The following VCAM1 variants were observed in gnomAD, a reference collection of about 807,000 sequenced individuals.
The protein encoded by VCAM1 is vascular cell adhesion protein 1.
VCAM1 carries 41 observed loss-of-function variants against 63.8 expected under a neutral mutation model. That is an observed-to-expected ratio of 0.64 (90% CI 0.50 to 0.83). The LOEUF is 0.83. Among genes scored for constraint, VCAM1 ranks in the 40% least tolerant of loss-of-function variants. The pLI is 0.00. For missense variants in VCAM1, 798 were observed against 875.5 expected, an observed-to-expected ratio of 0.91 and a Z score of 1.12; for synonymous variants, 338 against 320.7, an observed-to-expected ratio of 1.05 and a Z score of -0.58.
intron 3 of VCAM1, among the ~76,000 whole-genome samples, chr1:100,723,898 G>A (rs897001859): frequency 6.6e-6 from 1 of 152,002 alleles, no homozygotes; most frequent in African/African-American, 2.4e-5. Flanking sequence ...GCGTTGTGTA[G>A]GAGTGGCCTC....
In VCAM1 at chr1:100,723,356, A is replaced by G. The variant is rs201004025; in HGVS notation, c.661+16A>G. ...CAAGTCTACAGTAAGTACTTGTGCG[A>G]TGTGTTCCAGTCTTTGTGGGAATCC... is the stretch of plus-strand genomic sequence containing the variant. On this transcript the variant is annotated intron_variant, in intron 3 of 8. Transcript: ENST00000294728. The G allele has an allele frequency of 3.8e-3, 6,143 of 1,607,202 alleles. 14 individuals carry two copies. Among genetic ancestry groups the G allele is most frequent in the Non-Finnish European group, 4.7e-3 (5,532 of 1,175,566 alleles).
In VCAM1 at chr1:100,739,008, T is replaced by A. The variant is rs1660758726; in HGVS notation, c.*725T>A. 6.6e-6 allele frequency: 1 copy of A among 152,218 alleles called. No individual in the cohort carries two copies. Among genetic ancestry groups the A allele is most frequent in the Non-Finnish European group, 1.5e-5 (1 of 68,026 alleles). 9.4% of individuals were successfully genotyped at this position (152,218 alleles called of 1,614,324 possible). ...TATTTTCTTTTGTAAATGTTTAGGT[T>A]TTTTTGTATAGTAAAGTGATAATTT... On this transcript the variant is annotated 3_prime_UTR_variant, in exon 9 of 9. Coordinates refer to ENST00000294728, the MANE Select transcript of VCAM1 (RefSeq NM_001078.4).
At chr1:100,732,161 C>T (rs1660485009) in intron 6 of VCAM1, among the ~76,000 whole-genome samples, 1 of 152,122 alleles carries the variant, frequency 6.6e-6, no homozygotes, top group Non-Finnish European at 1.5e-5. Flanking sequence ...CTATCATTGA[C>T]CCTCGTCATT....
At chr1:100,725,008 G>T (rs1204795591) in intron 4 of VCAM1, 118 bp downstream of exon 4, 21 of 1,306,182 alleles carry the variant, frequency 1.6e-5, no homozygotes, top group Non-Finnish European at 1.0e-6. Flanking sequence ...CTATCTGATT[G>T]CCATATCCTT....
intron 2 of VCAM1, 78 bp downstream of exon 2, chr1:100,720,829 A>C (rs1659931306): frequency 6.8e-7 from 1 of 1,477,660 alleles, no homozygotes; most frequent in African/African-American, 1.4e-5. Flanking sequence ...TTTTAAAAAA[A>C]GTTTTAAAAT....
At position 100,731,353 on chromosome 1, in the gene VCAM1, G is replaced by A; in HGVS notation, c.1360G>A (p.Glu454Lys). Residue 454 changes from glutamate to lysine, a missense_variant, in exon 6 of 9, where the codon GAG becomes AAG. Transcript: ENST00000294728. The surrounding 1 kb of genome is among the most constrained non-coding windows in gnomAD (Gnocchi z 4.2). ...ETILENIEFL[E>K]DTDMKSLENK... ...TATTCTGGAGAATATAGAGTTTTTG[G>A]AGGATACGGATATGAAATCTCTAGA... 1.2e-6 allele frequency: 2 copies of A among 1,613,782 alleles called. No homozygotes were observed. Among genetic ancestry groups the A allele is most frequent in the Non-Finnish European group, 1.7e-6 (2 of 1,179,836 alleles).
At chr1:100,720,454 C>T (rs1659919368) in intron 1 of VCAM1, 22 bp from the exon 2 acceptor site, 2 of 1,598,712 alleles carry the variant, frequency 1.3e-6, no homozygotes, top group East Asian at 2.2e-5. Flanking sequence ...AAATTTGCTT[C>T]TGTCTTTTTT....
chr1:100,734,875 T>C, intron 8 of VCAM1, 107 bp downstream of exon 8: 1 of 1,361,996 alleles, frequency 7.3e-7, no homozygotes, highest in Middle Eastern at 2.4e-4. Context: ...GGAGCTGTGG[T>C]TTATTTCTTA....
At chr1:100,725,046 G>C (rs1385555314) in intron 4 of VCAM1, among the ~76,000 whole-genome samples, 156 bp downstream of exon 4, 1 of 151,814 alleles carries the variant, frequency 6.6e-6, no homozygotes, top group Non-Finnish European at 1.5e-5. Flanking sequence ...TATCTTACTA[G>C]TACTCTGTGG....
In VCAM1 at chr1:100,738,199, C is replaced by T; in HGVS notation, c.2136C>T (p.Ala712=). ...LYFASSLIIP[A]IGMIIYFARK... ...TTGCATCCTCCTTAATAATACCTGC[C>T]ATTGGAATGATAATTTACTTTGCAA... The change falls in exon 9 of 9, where the codon GCC becomes GCT. Residue 712 remains alanine, a synonymous_variant. Coordinates refer to ENST00000294728, the MANE Select transcript of VCAM1 (RefSeq NM_001078.4). The T allele has an allele frequency of 1.2e-6, 2 of 1,613,776 alleles. No individual in the cohort carries two copies. The highest frequency in any genetic ancestry group is 1.7e-6 in the Non-Finnish European group (2 of 1,179,788).
At chr1:100,722,590 C>T (rs1212904870) in intron 2 of VCAM1, among the ~76,000 whole-genome samples, 1 of 151,966 alleles carries the variant, frequency 6.6e-6, no homozygotes, top group Non-Finnish European at 1.5e-5. Context: ...TTACCATTTA[C>T]TAGGTGTGTG....
chr1:100,738,058 C>A, intron 8 of VCAM1, 65 bp from the exon 9 acceptor site: 1 of 1,528,482 alleles, frequency 6.5e-7, no homozygotes. Context: ...AAACATGTAA[C>A]TGTTGTTATT....
At chr1:100,730,159 C>T (rs1032814189) in intron 5 of VCAM1, among the ~76,000 whole-genome samples, 9 of 152,072 alleles carry the variant, frequency 5.9e-5, no homozygotes, top group Non-Finnish European at 1.3e-4. Flanking sequence ...TAGAGATTTT[C>T]TACCAGAAAC....
rs184836168 is a variant in VCAM1 at position 100,719,922 on chromosome 1, C to T, written c.62C>T (p.Ala21Val). ...ASNILWIMFA[A>V]SQAFKIETTP... is the part of the protein sequence containing the mutation. ...AATATACTTTGGATAATGTTTGCAG[C>T]TTGTAAGTTATTTCCCTTCATCTGT... The change falls in exon 1 of 9, where the codon GCT becomes GTT. Residue 21 changes from alanine (A) to valine (V), a missense_variant and splice_region_variant. Coordinates refer to ENST00000294728, the MANE Select transcript of VCAM1 (RefSeq NM_001078.4). 1 of 1,609,122 alleles carries T rather than the reference C, an allele frequency of 6.2e-7. No homozygotes were observed. Among genetic ancestry groups the T allele is most frequent in the African/African-American group, 1.3e-5 (1 of 74,840 alleles).
rs201513859 is a variant in VCAM1 at position 100,719,854 on chromosome 1, A to C, written c.-7A>C. ...CCACTATTTTCTCATCACGACAGCA[A>C]CTTAAAATGCCTGGGAAGATGGTCG... is the stretch of plus-strand genomic sequence containing the variant. On this transcript the variant is annotated 5_prime_UTR_variant, in exon 1 of 9. Coordinates refer to ENST00000294728, the MANE Select transcript of VCAM1 (RefSeq NM_001078.4). 1.9e-6 allele frequency: 3 copies of C among 1,611,122 alleles called. No individual in the cohort carries two copies. The East Asian group carries it at 6.7e-5, about 36-fold the overall frequency.
At chr1:100,737,574 T>G (rs1411234176) in intron 8 of VCAM1, 1 of 152,132 alleles carries the variant, frequency 6.6e-6, no homozygotes, top group East Asian at 1.9e-4. Flanking sequence ...ATTTCTGACA[T>G]AAAAAACATA....
chr1:100,731,191 T>C lies in VCAM1; in HGVS notation c.1205-7T>C. The C allele has an allele frequency of 6.3e-7, 1 of 1,575,438 alleles. No individual in the cohort carries two copies. The highest frequency in any genetic ancestry group is 8.6e-7 in the Non-Finnish European group (1 of 1,163,154). ...GAATAAAAATCGTTTTTGCTTGCGA[T>C]TTGCAGCATTCCCTAGAGATCCAGA... On this transcript the variant is annotated splice_region_variant and splice_polypyrimidine_tract_variant and intron_variant, in intron 5 of 8. Coordinates refer to ENST00000294728, the MANE Select transcript of VCAM1 (RefSeq NM_001078.4). The surrounding 1 kb of genome is among the most constrained non-coding windows in gnomAD (Gnocchi z 4.2).
In VCAM1 at chr1:100,723,111, A is replaced by C. The variant is rs75795368; in HGVS notation, c.432A>C (p.Pro144=). The C allele has an allele frequency of 7.0e-5, 113 of 1,613,118 alleles. No homozygotes were observed. In the African/African-American group the frequency reaches 1.3e-3, roughly 18 times the overall value. ...AGTGTTCAGTTGCTGATGTATACCC[A>C]TTTGACAGGCTGGAGATAGACTTAC... ...TVKCSVADVY[P]FDRLEIDLLK... The change falls in exon 3 of 9, where the codon CCA becomes CCC. Residue 144 remains proline, a synonymous_variant. Transcript: ENST00000294728.
Position 100,731,054 on chromosome 1 carries a change from A to G in VCAM1, c.1205-144A>G. The G allele has an allele frequency of 1.5e-6, 1 of 671,440 alleles. No homozygotes were observed. Among genetic ancestry groups the G allele is most frequent in the Non-Finnish European group, 2.4e-6 (1 of 417,004 alleles). 41.6% of individuals were successfully genotyped at this position (671,440 alleles called of 1,614,324 possible). A position where few individuals can be genotyped will look rare whatever the true frequency, so the allele number is the denominator to read the frequency against. On this transcript the variant is annotated intron_variant, in intron 5 of 8. Transcript: ENST00000294728. The surrounding 1 kb of genome is among the most constrained non-coding windows in gnomAD (Gnocchi z 4.2). ...AATATCATAAATATGTCATTTATAA[A>G]TACTGTCATTACTTATATATTGACA... is the stretch of plus-strand genomic sequence containing the variant.
Sources: allele counts gnomAD v4.1 joint callset (sites outside exome capture counted in the v4.1 genomes callset), GRCh38; gene constraint gnomAD v4.1.1; non-coding constraint Gnocchi (gnomAD v3.1); transcripts MANE v1.5; gene names NCBI Gene and HGNC (gene_info 2026-07-23, HGNC 2026-07-21).